Variants in GABRB1 observed in about 807,000 individuals in gnomAD.
GABRB1 encodes the protein gamma-aminobutyric acid receptor subunit beta-1.
A neutral mutation model predicts 51.6 loss-of-function variants in GABRB1; 17 were observed. The observed-to-expected ratio is 0.33, with a 90% CI of 0.23 to 0.49. The LOEUF is 0.49. Ranked by LOEUF, GABRB1 falls within the 20% of genes least tolerant of loss-of-function variation. The probability of loss-of-function intolerance (pLI) is 0.99; values close to 1 mark genes in which losing one functional copy is unlikely to be tolerated. For synonymous variants in GABRB1, 247 were observed against 218.9 expected, an observed-to-expected ratio of 1.13 and a Z score of -1.14; for missense variants, 410 against 600.6, an observed-to-expected ratio of 0.68 and a Z score of 3.32.
intron 3 of GABRB1, among the ~76,000 whole-genome samples, chr4:47,153,478 A>T (rs10938474): frequency 0.86 from 130,520 of 151,950 alleles, 56,058 homozygotes; most frequent in African/African-American, 0.9. Context: ...ATCAAAAAAG[A>T]TTTTTACATT....
chr4:47,091,522 T>A (rs1024802642), intron 3 of GABRB1, among the ~76,000 whole-genome samples: 1 of 152,180 alleles, frequency 6.6e-6, no homozygotes, highest in Non-Finnish European at 1.5e-5. Flanking sequence ...GACTCTTCCC[T>A]GCAAGCAACC....
At chr4:47,267,925 A>G (rs1722703648) in intron 4 of GABRB1, among the ~76,000 whole-genome samples, 1 of 152,226 alleles carries the variant, frequency 6.6e-6, no homozygotes, top group South Asian at 2.1e-4. Flanking sequence ...AATTAAAAAG[A>G]TGCACTTGAA....
At chr4:47,287,805 G>A (rs773748858) in intron 4 of GABRB1, among the ~76,000 whole-genome samples, 5 of 152,168 alleles carry the variant, frequency 3.3e-5, no homozygotes, top group Non-Finnish European at 5.9e-5. Context: ...GTTTCCCTAT[G>A]GACATGCCTA....
intron 4 of GABRB1, among the ~76,000 whole-genome samples, chr4:47,227,709 A>G (rs912434076): frequency 2.0e-5 from 3 of 152,174 alleles, no homozygotes; most frequent in African/African-American, 7.2e-5. Flanking sequence ...TAGGGCTGCC[A>G]TAACAAAGCG....
At chr4:47,335,679 A>C (rs1474429682) in intron 5 of GABRB1, among the ~76,000 whole-genome samples, 1 of 152,194 alleles carries the variant, frequency 6.6e-6, no homozygotes, top group Non-Finnish European at 1.5e-5. Context: ...TTTGCAGAGA[A>C]TTTCATGCAT....
chr4:47,126,224 G>C (rs1269662380), intron 3 of GABRB1, among the ~76,000 whole-genome samples: 1 of 152,092 alleles, frequency 6.6e-6, no homozygotes, highest in African/African-American at 2.4e-5. Flanking sequence ...CATATATGTA[G>C]AATGTAAAAA....
At chr4:47,241,520 T>C (rs903337170) in intron 4 of GABRB1, among the ~76,000 whole-genome samples, 4 of 152,222 alleles carry the variant, frequency 2.6e-5, no homozygotes, top group Non-Finnish European at 5.9e-5. Context: ...ATCATTTTTT[T>C]TTCAGAAGAA....
At chr4:47,170,024 A>AT (rs1473374930) in intron 4 of GABRB1, among the ~76,000 whole-genome samples, 2 of 152,164 alleles carry the variant, frequency 1.3e-5, no homozygotes, top group South Asian at 4.2e-4. Context: ...AATGTATACA[A>AT]TTTTTTTGGC....
intron 4 of GABRB1, among the ~76,000 whole-genome samples, chr4:47,213,292 C>CAGTA (rs1362502280): frequency 6.6e-6 from 1 of 152,146 alleles, no homozygotes; most frequent in Middle Eastern, 3.2e-3. Flanking sequence ...GCCCAGTGGA[C>CAGTA]AGTAGTTGAC....
chr4:47,069,548 A>AT (rs1727224715), intron 3 of GABRB1, among the ~76,000 whole-genome samples: 2 of 151,906 alleles, frequency 1.3e-5, no homozygotes, highest in Admixed American at 6.6e-5. Flanking sequence ...TTCTGATTGC[A>AT]TTTTTTTCTT....
chr4:47,186,186 T>C lies in GABRB1; in HGVS notation c.461+24717T>C, dbSNP rs558055348. Among the ~76,000 whole-genome samples the C allele has an allele frequency of 1.2e-3, 164 of 138,658 alleles. 3 individuals are homozygous for C. The South Asian group carries it at 0.04, about 34-fold the overall frequency. 91.0% of individuals were successfully genotyped at this position (138,658 alleles called of 152,430 possible). A position where few individuals can be genotyped will look rare whatever the true frequency, so the allele number is the denominator to read the frequency against. On this transcript the variant is annotated intron_variant, in intron 4 of 8. Coordinates refer to ENST00000295454, the MANE Select transcript of GABRB1 (RefSeq NM_000812.4). ...CGATGAACATTTCCTAAATATACCT[T>C]CAGTTTCATAAAGTCAAGGCATGAA...
At chr4:47,036,911 A>C (rs1179542417) in intron 3 of GABRB1, among the ~76,000 whole-genome samples, 1 of 152,124 alleles carries the variant, frequency 6.6e-6, no homozygotes, top group Non-Finnish European at 1.5e-5. Flanking sequence ...AAAAAAAGAA[A>C]TGAACTTTTT....
At chr4:47,110,063 A>G (rs1441726150) in intron 3 of GABRB1, among the ~76,000 whole-genome samples, 1 of 152,136 alleles carries the variant, frequency 6.6e-6, no homozygotes, top group Non-Finnish European at 1.5e-5. Flanking sequence ...GTCAAGACCT[A>G]AAAAAGAGAT....
chr4:47,231,266 T>G (rs1467979471), intron 4 of GABRB1, among the ~76,000 whole-genome samples: 1 of 152,230 alleles, frequency 6.6e-6, no homozygotes, highest in Non-Finnish European at 1.5e-5. Flanking sequence ...AATTAGCTAT[T>G]TCAAGAGAAT....
chr4:47,161,628 T>C (rs1297415195), intron 4 of GABRB1, among the ~76,000 whole-genome samples, 159 bp downstream of exon 4: 1 of 152,026 alleles, frequency 6.6e-6, no homozygotes, highest in Non-Finnish European at 1.5e-5. Flanking sequence ...CTCATGTAGT[T>C]AAGGGCTTTT....
intron 3 of GABRB1, among the ~76,000 whole-genome samples, chr4:47,085,323 G>A (rs145727041): frequency 2.8e-4 from 43 of 152,224 alleles, no homozygotes; most frequent in Admixed American, 7.2e-4. Flanking sequence ...TAGTACATGT[G>A]TTATTCTACT....
At chr4:47,368,399 A>G (rs1727064007) in intron 5 of GABRB1, among the ~76,000 whole-genome samples, 1 of 152,080 alleles carries the variant, frequency 6.6e-6, no homozygotes, top group East Asian at 1.9e-4. Context: ...ACATTTGGCA[A>G]TGTCTGGAGG....
At chr4:47,262,980 G>T (rs1050781326) in intron 4 of GABRB1, among the ~76,000 whole-genome samples, 2 of 147,114 alleles carry the variant, frequency 1.4e-5, no homozygotes, top group African/African-American at 5.1e-5. Flanking sequence ...ACTCATAGGT[G>T]GGAATTGAAC....
chr4:47,017,345 G>A (rs114910916), intron 1 of GABRB1, among the ~76,000 whole-genome samples: 154 of 152,274 alleles, frequency 1.0e-3, no homozygotes, highest in African/African-American at 3.6e-3. Flanking sequence ...TTAAATTGTA[G>A]CTGATGGTCG....
Sources: allele counts gnomAD v4.1 joint callset (sites outside exome capture counted in the v4.1 genomes callset), GRCh38; gene constraint gnomAD v4.1.1; transcripts MANE v1.5; gene names NCBI Gene and HGNC (gene_info 2026-07-23, HGNC 2026-07-21).